The following CAMTA1 variants were observed in gnomAD, a reference collection of about 807,000 sequenced individuals.
CAMTA1 encodes calmodulin binding transcription activator 1.
In CAMTA1, 27 loss-of-function variants were observed where a neutral mutation model predicts 170.9. The ratio of observed to expected loss-of-function variants is 0.16; its 90% CI spans 0.12 to 0.22. The LOEUF (loss-of-function observed/expected upper bound fraction) is 0.22, where lower values mean the gene tolerates loss of function less well. Among genes scored for constraint, CAMTA1 ranks in the 10% least tolerant of loss-of-function variants. CAMTA1 has a pLI of 1.00. For synonymous variants in CAMTA1, 833 were observed against 891.5 expected (o/e 0.93, Z 1.17); for missense variants, 1,619 against 2,217.2 (o/e 0.73, Z 5.42).
At chr1:7,453,970 G>C (rs760492028) in intron 5 of CAMTA1, among the ~76,000 whole-genome samples, 1 of 152,268 alleles carries the variant, frequency 6.6e-6, no homozygotes, top group South Asian at 2.1e-4. Flanking sequence ...GTTCTGAAGA[G>C]AGCTGGGAAT....
chr1:7,467,241 A>G (rs2093232469), intron 5 of CAMTA1, among the ~76,000 whole-genome samples: 1 of 152,144 alleles, frequency 6.6e-6, no homozygotes. Context: ...AGGATTACTT[A>G]ACAAATATAT....
intron 4 of CAMTA1, among the ~76,000 whole-genome samples, chr1:7,217,813 T>A (rs551174386): frequency 5.3e-5 from 8 of 152,214 alleles, no homozygotes; most frequent in African/African-American, 7.2e-5. Context: ...CTTTCCTTTT[T>A]TTGTTTCCTA....
chr1:7,230,142 C>A (rs527690821), intron 4 of CAMTA1, among the ~76,000 whole-genome samples: 2 of 152,072 alleles, frequency 1.3e-5, no homozygotes, highest in African/African-American at 4.8e-5. Flanking sequence ...GAAAGCCCAG[C>A]CTGGCCTGGC....
At chr1:6,787,835 T>C (rs1236583958) in intron 1 of CAMTA1, among the ~76,000 whole-genome samples, 1 of 152,248 alleles carries the variant, frequency 6.6e-6, no homozygotes, top group African/African-American at 2.4e-5. Flanking sequence ...TGCTTGATTC[T>C]GCATAGAGTG....
intron 3 of CAMTA1, among the ~76,000 whole-genome samples, chr1:6,929,822 A>G (rs1684064093): frequency 6.6e-6 from 1 of 152,200 alleles, no homozygotes. Context: ...TTTAAATGGC[A>G]TAACTTTAGC....
At chr1:7,698,692 G>A (rs2096405078) in intron 11 of CAMTA1, 1 of 152,322 alleles carries the variant, frequency 6.6e-6, no homozygotes, top group African/African-American at 2.4e-5. Flanking sequence ...AAAATCCCAA[G>A]TTCTGAATGC....
At position 7,744,029 on chromosome 1, in the gene CAMTA1, G is replaced by A. The variant is rs534310148; in HGVS notation, c.4183-806G>A. Among the ~76,000 whole-genome samples the A allele has an allele frequency of 3.3e-5, 5 of 151,194 alleles. No homozygotes were observed. The South Asian group carries it at 6.2e-4, about 19-fold the overall frequency. ...TTTTTAATAGAGACGGGGTTTCACC[G>A]TGTTAGCCAGGATGGTCTTAATCTC... On this transcript the variant is annotated intron_variant, in intron 16 of 22. Transcript: ENST00000303635.
At chr1:7,436,245 G>A (rs2092343880) in intron 5 of CAMTA1, among the ~76,000 whole-genome samples, 1 of 152,214 alleles carries the variant, frequency 6.6e-6, no homozygotes, top group South Asian at 2.1e-4. Context: ...GTTTGAAGCT[G>A]GGAGATGCCC....
At chr1:7,467,118 C>T (rs1224753789) in intron 5 of CAMTA1, among the ~76,000 whole-genome samples, 1 of 152,170 alleles carries the variant, frequency 6.6e-6, no homozygotes, top group Non-Finnish European at 1.5e-5. Context: ...GGTGATGGGC[C>T]CCTGAGAGCC....
chr1:7,350,171 C>G (rs1455370551), intron 5 of CAMTA1, among the ~76,000 whole-genome samples: 6 of 152,168 alleles, frequency 3.9e-5, no homozygotes, highest in African/African-American at 1.4e-4. Context: ...TTCTCCCCCA[C>G]TATCCCAGCA....
At chr1:7,151,414 G>C (rs1646570809) in intron 4 of CAMTA1, among the ~76,000 whole-genome samples, 1 of 152,312 alleles carries the variant, frequency 6.6e-6, no homozygotes, top group Admixed American at 6.5e-5. Flanking sequence ...GAGGCTGCCT[G>C]GCCCTTGGGT....
chr1:6,895,031 A>T (rs950073931), intron 3 of CAMTA1, among the ~76,000 whole-genome samples: 1 of 152,220 alleles, frequency 6.6e-6, no homozygotes, highest in Non-Finnish European at 1.5e-5. Flanking sequence ...CAAACTACTT[A>T]CAGGCCCTGA....
At chr1:7,048,268 A>G (rs1558022321) in intron 3 of CAMTA1, among the ~76,000 whole-genome samples, 3 of 152,134 alleles carry the variant, frequency 2.0e-5, no homozygotes, top group Non-Finnish European at 4.4e-5. Context: ...GACAAGGAGA[A>G]ATTGTAGAGC....
chr1:7,061,723 T>A (rs866215747), intron 3 of CAMTA1, among the ~76,000 whole-genome samples: 1 of 3,884 alleles, frequency 2.6e-4, no homozygotes. Context: ...GGGGGTGGGG[T>A]GGCGGGGAGA....
chr1:6,958,545 A>G (rs1259611557), intron 3 of CAMTA1, among the ~76,000 whole-genome samples: 3 of 152,186 alleles, frequency 2.0e-5, no homozygotes, highest in Non-Finnish European at 2.9e-5. Context: ...CTCCAGGCCT[A>G]TTACTGAAGT....
At position 7,585,017 on chromosome 1, in the gene CAMTA1, C is replaced by T. The variant is rs570593298; in HGVS notation, c.511-55383C>T. Among the ~76,000 whole-genome samples the T allele has an allele frequency of 1.4e-4, 21 of 152,238 alleles. No individual in the cohort carries two copies. The South Asian group carries it at 2.7e-3, about 20-fold the overall frequency. ...ACCATATATTATGTAATGTCCCCGG[C>T]GGGATGTGGAGTAGCACCCCATAAT... On this transcript the variant is annotated intron_variant, in intron 6 of 22. Coordinates refer to ENST00000303635, the MANE Select transcript of CAMTA1 (RefSeq NM_015215.4). This position sits in a 1 kb window ranked among gnomAD's most constrained non-coding sequence, Gnocchi z 4.8.
intron 5 of CAMTA1, among the ~76,000 whole-genome samples, chr1:7,466,685 CT>C (rs2093218833): frequency 6.6e-6 from 1 of 152,146 alleles, no homozygotes; most frequent in South Asian, 2.1e-4. Flanking sequence ...CTCTGAGGAA[CT>C]TTCCTCCCCT....
intron 5 of CAMTA1, among the ~76,000 whole-genome samples, chr1:7,389,134 C>T (rs961249029): frequency 2.0e-5 from 3 of 152,212 alleles, no homozygotes; most frequent in East Asian, 1.9e-4. Flanking sequence ...CAGCACAGAG[C>T]GAGTCCGCTG....
intron 5 of CAMTA1, among the ~76,000 whole-genome samples, chr1:7,383,169 C>T (rs2087540119): frequency 6.6e-6 from 1 of 152,190 alleles, no homozygotes; most frequent in African/African-American, 2.4e-5. Context: ...GGTCGTAACC[C>T]TGCAGGGCTT....
Sources: gnomAD v4.1 joint callset for allele counts (sites outside exome capture counted in the v4.1 genomes callset) on GRCh38, gnomAD v4.1.1 for gene constraint, Gnocchi (gnomAD v3.1) non-coding constraint, MANE v1.5 for transcripts, NCBI Gene and HGNC (gene_info 2026-07-23, HGNC 2026-07-21) for gene names.